The following ZNF638 variants were observed in gnomAD, a reference collection of about 807,000 sequenced individuals.
ZNF638 encodes CTCL tumor antigen se33-1.
Under a neutral mutation model 195.6 loss-of-function variants are expected in ZNF638, and 46 were observed. The ratio of observed to expected loss-of-function variants is 0.24; its 90% confidence interval spans 0.19 to 0.30. ZNF638 has a LOEUF of 0.30. ZNF638 is among the 10% of genes least tolerant of loss of function. The pLI, the probability that ZNF638 is intolerant of heterozygous loss-of-function variation, is 1.00. For synonymous variants in ZNF638, 845 were observed against 772.0 expected, an observed-to-expected ratio of 1.09 and a Z score of -1.57; for missense variants, 2,440 against 2,325.3, an observed-to-expected ratio of 1.05 and a Z score of -1.01.
intron 10 of ZNF638, among the ~76,000 whole-genome samples, chr2:71,385,700 A>G (rs1215073257): frequency 6.6e-6 from 1 of 152,198 alleles, no homozygotes; most frequent in Non-Finnish European, 1.5e-5. Flanking sequence ...TGTCTGTGAT[A>G]CTGTACTACA....
intron 11 of ZNF638, among the ~76,000 whole-genome samples, chr2:71,397,140 A>T (rs1487003444): frequency 6.6e-6 from 1 of 152,128 alleles, no homozygotes; most frequent in Non-Finnish European, 1.5e-5. Context: ...CAACACTTTG[A>T]TGTTACTTTG....
chr2:71,366,006 T>G (rs568958282), intron 6 of ZNF638, among the ~76,000 whole-genome samples: 10 of 152,216 alleles, frequency 6.6e-5, no homozygotes, highest in African/African-American at 9.6e-5. Flanking sequence ...ATGCCTGGCT[T>G]CGTAATTCTT....
intron 10 of ZNF638, among the ~76,000 whole-genome samples, chr2:71,389,712 G>A (rs2079730507): frequency 1.3e-5 from 2 of 152,176 alleles, no homozygotes; most frequent in Non-Finnish European, 2.9e-5. Context: ...AGTTCAACAA[G>A]GATCTTTATA....
chr2:71,368,501 T>G lies in ZNF638; in HGVS notation c.2115T>G (p.Asp705Glu). 6.2e-7 allele frequency: 1 copy of G among 1,613,076 alleles called. No homozygotes were observed. The highest frequency in any genetic ancestry group is 8.5e-7 in the Non-Finnish European group (1 of 1,179,654). ...TTCAACCATTTGGGAAAGTGAATGATGTCCTAATTGTTCCATATAGAAAAG... is the reference window on the plus strand; with the variant it reads ...TTCAACCATTTGGGAAAGTGAATGAGGTCCTAATTGTTCCATATAGAAAAG... Reference protein sequence around the residue: ...KLFQPFGKVNDVLIVPYRKEA... With the variant: ...KLFQPFGKVNEVLIVPYRKEA... The change falls in exon 7 of 28, where the codon GAT (aspartate) becomes GAG (glutamate). Residue 705 changes from aspartate to glutamate, a missense_variant. Around this residue, in one of 5 missense-constraint regions of ZNF638, gnomAD observed 1,883 missense variants for 1,739.1 expected, o/e 1.08. Transcript: ENST00000264447.
chr2:71,368,524 A>G lies in ZNF638; in HGVS notation c.2138A>G (p.Lys713Arg). 6 of 1,611,270 alleles carry G rather than the reference A, an allele frequency of 3.7e-6. No homozygotes were observed. The highest frequency in any genetic ancestry group is 5.1e-6 in the Non-Finnish European group (6 of 1,179,250). The part of the protein sequence containing the change: ...VNDVLIVPYR[K>R]EAYLEMEFKE... ...GATGTCCTAATTGTTCCATATAGAA[A>G]AGAGGTGAGTCATTTAGTCTGTGGC... Residue 713 changes from lysine to arginine, a missense_variant, in exon 7 of 28, where the codon AAA (lysine) becomes AGA (arginine). Physicochemically the swap from Lys to Arg is conservative, Grantham distance 26 (BLOSUM62 2). This residue lies in a region of ZNF638 where 1,883 missense variants were observed against 1,739.1 expected (regional missense o/e 1.08). Coordinates refer to ENST00000264447, the MANE Select transcript of ZNF638 (RefSeq NM_014497.5).
chr2:71,370,764 T>A (rs974335175), intron 8 of ZNF638, among the ~76,000 whole-genome samples: 7 of 152,228 alleles, frequency 4.6e-5, no homozygotes, highest in Non-Finnish European at 8.8e-5. Flanking sequence ...AGGCATGCAG[T>A]GTGTAATAAT....
At chr2:71,378,176 AT>A (rs915789701) in intron 8 of ZNF638, among the ~76,000 whole-genome samples, 46 of 152,370 alleles carry the variant, frequency 3.0e-4, no homozygotes, top group Middle Eastern at 6.8e-3. Flanking sequence ...ATTTCAAAAA[AT>A]ATCACTTAAA....
Position 71,418,603 on chromosome 2 carries a change from T to C in ZNF638, c.3263T>C (p.Val1088Ala). The C allele has an allele frequency of 6.4e-7, 1 of 1,554,860 alleles. No individual in the cohort carries two copies. Among genetic ancestry groups the C allele is most frequent in the South Asian group, 1.3e-5 (1 of 79,476 alleles). The change falls in exon 21 of 28, where the codon GTG becomes GCG. Residue 1088 changes from valine (V) to alanine (A), a missense_variant and splice_region_variant. Transcript: ENST00000264447. The part of the protein sequence containing the change: ...SLSPKIDLPE[V>A]QIEHDPELEK... ...AATAAAATGCTGATTATATTACAGG[T>C]GCAAATTGAGCATGACCCAGAATTA...
chr2:71,423,418 G>GAA lies in ZNF638; in HGVS notation c.3911_3912dup (p.Gly1305LysfsTer23). The GAA allele has an allele frequency of 6.2e-7, 1 of 1,609,952 alleles. No homozygotes were observed. The highest frequency in any genetic ancestry group is 1.1e-5 in the South Asian group (1 of 90,600). ...GACAGTGGACAAAAAGAATATTTCTGAAAAAAAAGGTAACATGGATGAAAA... is the reference window on the plus strand; with the variant it reads ...GACAGTGGACAAAAAGAATATTTCTGAAAAAAAAAAGGTAACATGGATGAAAA... On this transcript the variant is annotated frameshift_variant, in exon 22 of 28. Coordinates refer to ENST00000264447, the MANE Select transcript of ZNF638 (RefSeq NM_014497.5). LOFTEE classifies it high-confidence loss of function.
intron 27 of ZNF638, among the ~76,000 whole-genome samples, chr2:71,433,875 T>C (rs1292940960): frequency 1.3e-5 from 2 of 152,146 alleles, no homozygotes; most frequent in Non-Finnish European, 2.9e-5. Flanking sequence ...CTTCATGAGG[T>C]AGATGCTATT....
At position 71,393,580 on chromosome 2, in the gene ZNF638, C is replaced by A. The variant is rs141282410; in HGVS notation, c.2378-2561C>A. ...GAAGAAGACAACTTACAAGGCTGAG[C>A]AAATCCTGCTCCAGACACAGAAACC... On this transcript the variant is annotated intron_variant, in intron 10 of 27. Coordinates refer to ENST00000264447, the MANE Select transcript of ZNF638 (RefSeq NM_014497.5). The A allele has an allele frequency of 6.0e-4, 432 of 718,032 alleles. 7 individuals are homozygous for A. In the East Asian group the frequency reaches 0.011, roughly 19 times the overall value. 44.5% of individuals were successfully genotyped at this position (718,032 alleles called of 1,614,324 possible).
Position 71,427,310 on chromosome 2 carries a change from T to C in ZNF638, c.5441T>C (p.Val1814Ala), listed in dbSNP as rs1573174158. Residue 1814 changes from valine to alanine, a missense_variant, in exon 24 of 28, where the codon GTG (valine) becomes GCG (alanine). Val to Ala is a moderately conservative substitution (Grantham distance 64, BLOSUM62 0). This residue lies in a region of ZNF638 where 1,883 missense variants were observed against 1,739.1 expected (regional missense o/e 1.08). Coordinates refer to ENST00000264447, the MANE Select transcript of ZNF638 (RefSeq NM_014497.5). ...DKKGNRKKRA[V>A]DTKKTKLESL... ...AAAGGGAATAGAAAGAAGAGAGCTG[T>C]GGACACAAAAAAGACAAAACTTGAA... 6.2e-7 allele frequency: 1 copy of C among 1,612,820 alleles called. No homozygotes were observed. Among genetic ancestry groups the C allele is most frequent in the Non-Finnish European group, 8.5e-7 (1 of 1,179,758 alleles).
At chr2:71,345,693 C>T (rs1330999102) in intron 1 of ZNF638, among the ~76,000 whole-genome samples, 1 of 151,432 alleles carries the variant, frequency 6.6e-6, no homozygotes, top group African/African-American at 2.4e-5. Context: ...TTTGTAGAGA[C>T]AGGATTTTGT....
intron 7 of ZNF638, among the ~76,000 whole-genome samples, chr2:71,368,958 G>A (rs2079255381): frequency 6.6e-6 from 1 of 152,224 alleles, no homozygotes; most frequent in South Asian, 2.1e-4. Flanking sequence ...GTATGGTTAA[G>A]TATTTTCTGT....
rs1326368374 is a variant in ZNF638, at chr2:71,396,140, G to C, written c.2378-1G>C. The C allele has an allele frequency of 6.2e-7, 1 of 1,612,320 alleles. No individual in the cohort carries two copies. The highest frequency in any genetic ancestry group is 1.3e-5 in the African/African-American group (1 of 74,792). ...CTTAAATGTTTTTCTTGTTGTTTTA[G>C]CCAAAACTGGACAAGCCAAGGCATC... On this transcript the variant is annotated splice_acceptor_variant, in intron 10 of 27. Coordinates refer to ENST00000264447, the MANE Select transcript of ZNF638 (RefSeq NM_014497.5). LOFTEE classifies it high-confidence loss of function.
intron 7 of ZNF638, among the ~76,000 whole-genome samples, chr2:71,369,322 CAAAAAAAAAAA>C (rs34506232): frequency 2.0e-5 from 2 of 99,026 alleles, no homozygotes; most frequent in Non-Finnish European, 4.1e-5. Context: ...GGCTCCGTCT[CAAAAAAAAAAA>C]AAAAAAAAAG....
At chr2:71,353,833 A>G (rs2078980637) in intron 2 of ZNF638, among the ~76,000 whole-genome samples, 1 of 152,238 alleles carries the variant, frequency 6.6e-6, no homozygotes, top group South Asian at 2.1e-4. Context: ...TGCCCAACCC[A>G]CTGCCTGCAC....
At chr2:71,387,753 G>T (rs968086667) in intron 10 of ZNF638, among the ~76,000 whole-genome samples, 1 of 152,174 alleles carries the variant, frequency 6.6e-6, no homozygotes, top group African/African-American at 2.4e-5. Context: ...TTCTTTAAGT[G>T]TGGAGAATAT....
chr2:71,406,969 C>G (rs531357993), intron 19 of ZNF638, among the ~76,000 whole-genome samples: 1 of 152,280 alleles, frequency 6.6e-6, no homozygotes, highest in South Asian at 2.1e-4. Flanking sequence ...CACCACACTC[C>G]AGCCTGGGTA....
Sources: gnomAD v4.1 joint callset for allele counts (sites outside exome capture counted in the v4.1 genomes callset) on GRCh38, gnomAD v4.1.1 for gene constraint, gnomAD v4.1.1 regional missense constraint, MANE v1.5 for transcripts, NCBI Gene and HGNC (gene_info 2026-07-23, HGNC 2026-07-21) for gene names.